The following DGKB variants were observed in gnomAD, a reference collection of about 807,000 sequenced individuals.
The protein encoded by DGKB is 90 kDa diacylglycerol kinase.
DGKB carries 67 observed loss-of-function variants against 114.3 expected under a neutral mutation model. The observed-to-expected ratio is 0.59, with a 90% CI of 0.48 to 0.72. The LOEUF (loss-of-function observed/expected upper bound fraction) is 0.72. DGKB is among the 30% of genes least tolerant of loss of function. The probability of loss-of-function intolerance (pLI) is 0.00; values close to 1 mark genes in which losing one functional copy is unlikely to be tolerated. For missense variants in DGKB, 907 were observed against 975.2 expected, an observed-to-expected ratio of 0.93 and a Z score of 0.93; for synonymous variants, 398 against 323.1, an observed-to-expected ratio of 1.23 and a Z score of -2.49.
intron 23 of DGKB, among the ~76,000 whole-genome samples, chr7:14,273,983 A>G (rs922370404): frequency 2.0e-5 from 3 of 152,214 alleles, no homozygotes; most frequent in Non-Finnish European, 4.4e-5. Context: ...TATTAGAAAC[A>G]TATTTGTATT....
chr7:14,280,142 A>G (rs1320846858), intron 23 of DGKB, among the ~76,000 whole-genome samples: 1 of 151,840 alleles, frequency 6.6e-6, no homozygotes, highest in Non-Finnish European at 1.5e-5. Context: ...TAACTAGAAT[A>G]ACCAATACAG....
chr7:14,485,369 A>T (rs890635727), intron 20 of DGKB, among the ~76,000 whole-genome samples: 3 of 151,516 alleles, frequency 2.0e-5, no homozygotes, highest in Non-Finnish European at 4.4e-5. Context: ...TATGATGCAC[A>T]TCTGCAATTT....
rs1486399917 is a variant in DGKB, at chr7:14,388,866, T to C, written c.1836-43475A>G. Among the ~76,000 whole-genome samples the C allele has an allele frequency of 3.3e-5, 5 of 152,236 alleles. No individual in the cohort carries two copies. In the East Asian group the frequency reaches 9.7e-4, roughly 29 times the overall value. Reference sequence around the variant, plus strand: ...AATCAGAAGCTTGTTGAACTCCTTCTCTCTCTCCTACCAACCTGGAACAGA... The same window carrying C: ...AATCAGAAGCTTGTTGAACTCCTTCCCTCTCTCCTACCAACCTGGAACAGA... On this transcript the variant is annotated intron_variant, in intron 21 of 25. Coordinates refer to ENST00000402815, the MANE Select transcript of DGKB (RefSeq NM_001350709.2).
intron 23 of DGKB, among the ~76,000 whole-genome samples, chr7:14,337,829 A>G (rs187983974): frequency 6.6e-6 from 1 of 152,176 alleles, no homozygotes; most frequent in African/African-American, 2.4e-5. Context: ...AGTTATCAGA[A>G]TATCACATTG....
intron 14 of DGKB, among the ~76,000 whole-genome samples, chr7:14,629,263 C>A (rs1273343953): frequency 2.0e-5 from 3 of 151,990 alleles, no homozygotes; most frequent in African/African-American, 4.8e-5. Context: ...ATGTCACCAA[C>A]TCACTTAAAG....
chr7:14,690,616 T>C (rs1180153396), intron 9 of DGKB, among the ~76,000 whole-genome samples: 1 of 152,254 alleles, frequency 6.6e-6, no homozygotes, highest in Non-Finnish European at 1.5e-5. Context: ...GCTTTTGTGG[T>C]TCATTTACAT....
At chr7:14,400,970 G>A (rs1823019104) in intron 21 of DGKB, among the ~76,000 whole-genome samples, 1 of 151,666 alleles carries the variant, frequency 6.6e-6, no homozygotes, top group South Asian at 2.1e-4. Flanking sequence ...TCAATTTGCT[G>A]TCCTGTACTA....
chr7:14,821,480 G>C (rs1844922215), intron 2 of DGKB, among the ~76,000 whole-genome samples: 1 of 152,168 alleles, frequency 6.6e-6, no homozygotes, highest in Admixed American at 6.6e-5. Context: ...GTCTCATAGA[G>C]GGGCTGGCAT....
At chr7:14,247,800 C>G (rs1485929393) in intron 23 of DGKB, among the ~76,000 whole-genome samples, 1 of 151,782 alleles carries the variant, frequency 6.6e-6, no homozygotes, top group Non-Finnish European at 1.5e-5. Flanking sequence ...TGTAGGTTGT[C>G]TCTTTATGCC....
chr7:14,425,939 C>T (rs369489075), intron 21 of DGKB, among the ~76,000 whole-genome samples: 3 of 152,114 alleles, frequency 2.0e-5, no homozygotes, highest in African/African-American at 7.2e-5. Context: ...ACAATATTTT[C>T]ATTCAATTTT....
At chr7:14,768,313 T>C (rs977168003) in intron 2 of DGKB, among the ~76,000 whole-genome samples, 15 of 151,914 alleles carry the variant, frequency 9.9e-5, no homozygotes, top group African/African-American at 2.7e-4. Flanking sequence ...AGTTGAAGAA[T>C]TTGCTTCCAG....
At chr7:14,664,789 T>G (rs4236282) in intron 13 of DGKB, among the ~76,000 whole-genome samples, 114,711 of 151,864 alleles carry the variant, frequency 0.76, 44,072 homozygotes, top group East Asian at 0.89. Context: ...CCTCTTTGGA[T>G]GCTTCATCTA....
At chr7:14,421,691 C>A (rs1247665009) in intron 21 of DGKB, among the ~76,000 whole-genome samples, 3 of 151,938 alleles carry the variant, frequency 2.0e-5, no homozygotes, top group Non-Finnish European at 4.4e-5. Flanking sequence ...GGGTAGAGTA[C>A]TTTTAAAAAG....
At chr7:14,327,450 A>C (rs969814873) in intron 23 of DGKB, among the ~76,000 whole-genome samples, 1 of 152,148 alleles carries the variant, frequency 6.6e-6, no homozygotes, top group African/African-American at 2.4e-5. Flanking sequence ...ATTGAAAATA[A>C]TATCTAACTG....
At chr7:14,602,934 A>G (rs949929716) in intron 17 of DGKB, among the ~76,000 whole-genome samples, 1 of 152,124 alleles carries the variant, frequency 6.6e-6, no homozygotes, top group Admixed American at 6.6e-5. Flanking sequence ...CTCTAGTCTA[A>G]TTGCTATTTG....
chr7:14,218,008 T>C lies in DGKB; in HGVS notation c.2123-39857A>G, dbSNP rs561677605. Among the ~76,000 whole-genome samples the C allele has an allele frequency of 2.6e-4, 39 of 152,282 alleles. 3 individuals carry two copies. In the South Asian group the frequency reaches 8.1e-3, roughly 32 times the overall value. On this transcript the variant is annotated intron_variant, in intron 23 of 25. Coordinates refer to ENST00000402815, the MANE Select transcript of DGKB (RefSeq NM_001350709.2). ...TGTTTCCTAGTAGGTTCATTACTAA[T>C]ATGCAAATATTAGCTTTCATTTGGC... is the stretch of plus-strand genomic sequence containing the variant.
intron 20 of DGKB, among the ~76,000 whole-genome samples, chr7:14,497,829 C>T (rs1485725736): frequency 2.0e-5 from 3 of 151,864 alleles, no homozygotes; most frequent in South Asian, 4.1e-4. Flanking sequence ...TCCTTCTGTT[C>T]TAGGAGATGG....
At chr7:14,357,256 C>G (rs182801182) in intron 21 of DGKB, among the ~76,000 whole-genome samples, 142 of 152,258 alleles carry the variant, frequency 9.3e-4, no homozygotes, top group African/African-American at 3.1e-3. Flanking sequence ...TCTCTAAGGA[C>G]TTGCTTTATG....
At chr7:14,876,249 T>A (rs951672052) in intron 1 of DGKB, among the ~76,000 whole-genome samples, 1 of 152,164 alleles carries the variant, frequency 6.6e-6, no homozygotes, top group African/African-American at 2.4e-5. Context: ...TTTAAAAAAA[T>A]TTCTGCATAA....
Sources: allele counts gnomAD v4.1 joint callset (sites outside exome capture counted in the v4.1 genomes callset), GRCh38; gene constraint gnomAD v4.1.1; transcripts MANE v1.5; gene names NCBI Gene and HGNC (gene_info 2026-07-23, HGNC 2026-07-21).